The following ETV5 variants were observed in gnomAD, a reference collection of about 807,000 sequenced individuals.
ETV5 encodes the protein ETS translocation variant 5.
ETV5 carries 10 observed loss-of-function variants against 70.0 expected under a neutral mutation model. The ratio of observed to expected loss-of-function variants is 0.14; its 90% CI spans 0.09 to 0.24. ETV5 has a LOEUF of 0.24. Among genes scored for constraint, ETV5 ranks in the 10% least tolerant of loss-of-function variants. The probability of loss-of-function intolerance (pLI) is 1.00; values close to 1 mark genes in which losing one functional copy is unlikely to be tolerated. For missense variants in ETV5, 453 were observed against 651.2 expected, an observed-to-expected ratio of 0.70 and a Z score of 3.31; for synonymous variants, 216 against 242.2, an observed-to-expected ratio of 0.89 and a Z score of 1.01.
In ETV5 at chr3:186,047,647, A is replaced by G. The variant is rs1256398163; in HGVS notation, c.*992T>C. ...TGTTCCATCAGGTTGTCTGGTGCAG[A>G]AAGCACAAAGCAGGCAACAAGGCGG... is the stretch of plus-strand genomic sequence containing the variant. On this transcript the variant is annotated 3_prime_UTR_variant, in exon 13 of 13. Transcript: ENST00000306376. The G allele has an allele frequency of 4.3e-6, 1 of 233,222 alleles. No homozygotes were observed. Among genetic ancestry groups the G allele is most frequent in the Middle Eastern group, 1.2e-3 (1 of 802 alleles). 14.4% of individuals were successfully genotyped at this position (233,222 alleles called of 1,614,324 possible). A position where few individuals can be genotyped will look rare whatever the true frequency, so the allele number is the denominator to read the frequency against.
chr3:186,077,990 T>C lies in ETV5; in HGVS notation c.650+1827A>G, dbSNP rs565761653. The C allele has an allele frequency of 2.6e-5, 28 of 1,060,878 alleles. No homozygotes were observed. In the South Asian group the frequency reaches 8.2e-4, roughly 31 times the overall value. 65.7% of individuals were successfully genotyped at this position (1,060,878 alleles called of 1,614,324 possible). On this transcript the variant is annotated intron_variant, in intron 7 of 12. Coordinates refer to ENST00000306376, the MANE Select transcript of ETV5 (RefSeq NM_004454.3). ...AGGAGGAATCACCCAAGAAAAGAAATACCTGCATTCTGGTTCCCTCCTCTC... is the reference window on the plus strand; with the variant it reads ...AGGAGGAATCACCCAAGAAAAGAAACACCTGCATTCTGGTTCCCTCCTCTC...
intron 5 of ETV5, among the ~76,000 whole-genome samples, chr3:186,099,209 C>G (rs1271947447): frequency 1.3e-5 from 2 of 152,218 alleles, no homozygotes; most frequent in Admixed American, 1.3e-4. Context: ...CATACACACT[C>G]TAACTAGTGC....
At chr3:186,068,859 T>TA (rs1713519407) in intron 7 of ETV5, among the ~76,000 whole-genome samples, 7 of 152,202 alleles carry the variant, frequency 4.6e-5, no homozygotes, top group Admixed American at 4.6e-4. Flanking sequence ...TCTATGTGTA[T>TA]AAAGAAAAGC....
chr3:186,048,912 C>T lies in ETV5; in HGVS notation c.1312-52G>A. 5.4e-6 allele frequency: 8 copies of T among 1,479,616 alleles called. No homozygotes were observed. The South Asian group carries it at 9.3e-5, about 17-fold the overall frequency. 91.7% of individuals were successfully genotyped at this position (1,479,616 alleles called of 1,614,324 possible). A position where few individuals can be genotyped will look rare whatever the true frequency, so the allele number is the denominator to read the frequency against. Reference sequence around the variant, plus strand: ...GCCCAGTTGGAACAGGGCATGGGATCAGGGGAAGAGAACGAGGTATTCCTA... The same window carrying T: ...GCCCAGTTGGAACAGGGCATGGGATTAGGGGAAGAGAACGAGGTATTCCTA... On this transcript the variant is annotated intron_variant, in intron 12 of 12. Coordinates refer to ENST00000306376, the MANE Select transcript of ETV5 (RefSeq NM_004454.3).
At chr3:186,053,971 G>A (rs1713096258) in intron 11 of ETV5, among the ~76,000 whole-genome samples, 1 of 152,226 alleles carries the variant, frequency 6.6e-6, no homozygotes. Flanking sequence ...TTAAGGGGTG[G>A]AAAACAATCC....
chr3:186,094,041 C>T (rs1331116712), intron 5 of ETV5, among the ~76,000 whole-genome samples: 1 of 152,172 alleles, frequency 6.6e-6, no homozygotes, highest in Non-Finnish European at 1.5e-5. Context: ...GCAAGGCATG[C>T]CTTTGGTCAT....
chr3:186,049,298 C>G (rs914783192), intron 12 of ETV5, among the ~76,000 whole-genome samples: 1 of 152,160 alleles, frequency 6.6e-6, no homozygotes, highest in African/African-American at 2.4e-5. Flanking sequence ...CTGATGAGAG[C>G]GAGCCTGCGC....
chr3:186,098,958 G>T (rs566514109), intron 5 of ETV5, among the ~76,000 whole-genome samples: 3 of 152,278 alleles, frequency 2.0e-5, no homozygotes, highest in Admixed American at 2.0e-4. Flanking sequence ...CGGCTGTTCA[G>T]ATCAGCCTCA....
Position 186,079,917 on chromosome 3 carries a change from G to A in ETV5, c.550C>T (p.Pro184Ser), listed in dbSNP as rs375514175. The A allele has an allele frequency of 6.3e-7, 1 of 1,597,434 alleles. No homozygotes were observed. The highest frequency in any genetic ancestry group is 1.1e-5 in the South Asian group (1 of 88,410). ...PAPAPHSLPEPGPQQQTFAVP... is the reference protein window; with the variant it reads ...PAPAPHSLPESGPQQQTFAVP... Reference sequence around the variant, plus strand: ...GCAAATGTTTGCTGCTGTGGTCCAGGCTCTGGAAGCGAATGGGGGGCGGGG... The same window carrying A: ...GCAAATGTTTGCTGCTGTGGTCCAGACTCTGGAAGCGAATGGGGGGCGGGG... The change falls in exon 7 of 13, where the codon CCT becomes TCT. Residue 184 changes from proline to serine, a missense_variant. Physicochemically the swap from Pro to Ser is moderately conservative, Grantham distance 74 (BLOSUM62 -1). Coordinates refer to ENST00000306376, the MANE Select transcript of ETV5 (RefSeq NM_004454.3).
In ETV5 at chr3:186,067,627, A is replaced by AAACC. The variant is rs1367891745; in HGVS notation, c.651-1559_651-1556dup. Among the ~76,000 whole-genome samples the AAACC allele has an allele frequency of 6.2e-4, 95 of 152,088 alleles. 1 individual carries two copies. Among genetic ancestry groups the AAACC allele is most frequent in the Non-Finnish European group, 1.3e-3 (87 of 68,012 alleles). ...ACTGTCTCAAAAAAAAAAAAAAGTG[A>AAACC]AACCATCATATGAAAGTAAATATAT... On this transcript the variant is annotated intron_variant, in intron 7 of 12. Coordinates refer to ENST00000306376, the MANE Select transcript of ETV5 (RefSeq NM_004454.3).
chr3:186,093,491 G>A (rs903965926), intron 5 of ETV5, among the ~76,000 whole-genome samples: 15 of 152,264 alleles, frequency 9.9e-5, no homozygotes, highest in East Asian at 5.8e-4. Context: ...TCACATGGCC[G>A]CTTACAGCAA....
At chr3:186,071,482 G>A (rs371940043) in intron 7 of ETV5, among the ~76,000 whole-genome samples, 3 of 152,152 alleles carry the variant, frequency 2.0e-5, no homozygotes, top group East Asian at 1.9e-4. Context: ...TTATCTAACC[G>A]CTCTGAAGCC....
At position 186,105,398 on chromosome 3, in the gene ETV5, A is replaced by G; in HGVS notation, c.182-43T>C. ...ATTTTAGACCTTTAAGTTTTATTAA[A>G]AAGCACAGTAAAATGTTTTATATGG... On this transcript the variant is annotated intron_variant, in intron 4 of 12. Coordinates refer to ENST00000306376, the MANE Select transcript of ETV5 (RefSeq NM_004454.3). This position sits in a 1 kb window ranked among gnomAD's most constrained non-coding sequence, Gnocchi z 4.5. 1.2e-6 allele frequency: 2 copies of G among 1,611,954 alleles called. No individual in the cohort carries two copies. The highest frequency in any genetic ancestry group is 1.7e-6 in the Non-Finnish European group (2 of 1,179,058).
rs778499821 is a variant in ETV5, at chr3:186,079,678, G to A, written c.650+139C>T. The A allele has an allele frequency of 4.0e-5, 33 of 820,572 alleles. 1 individual carries two copies. The highest frequency in any genetic ancestry group is 6.1e-5 in the Non-Finnish European group (32 of 525,090). 50.8% of individuals were successfully genotyped at this position (820,572 alleles called of 1,614,324 possible). On this transcript the variant is annotated intron_variant, in intron 7 of 12. Coordinates refer to ENST00000306376, the MANE Select transcript of ETV5 (RefSeq NM_004454.3). ...AACAGTCATATTCGTATTATCATTAGTCTTGCCTCACAAGCTGCCTCAATG... is the reference window on the plus strand; with the variant it reads ...AACAGTCATATTCGTATTATCATTAATCTTGCCTCACAAGCTGCCTCAATG...
intron 12 of ETV5, among the ~76,000 whole-genome samples, chr3:186,051,742 G>C (rs1713037825): frequency 2.0e-5 from 3 of 152,146 alleles, no homozygotes. Context: ...TAAGTTTCTG[G>C]AAATTTCTAT....
rs1375913083 is a variant in ETV5, at chr3:186,054,048, G to GA, written c.1210-1918dup. Among the ~76,000 whole-genome samples, 2 of 152,210 alleles carry GA rather than the reference G, an allele frequency of 1.3e-5. No homozygotes were observed. Among genetic ancestry groups the GA allele is most frequent in the African/African-American group, 4.8e-5 (2 of 41,440 alleles). ...CTTGCATATGCAATTGCTTACTGGAGAAAGGTTTGGTATACGCACAGATTT... is the reference window on the plus strand; with the variant it reads ...CTTGCATATGCAATTGCTTACTGGAGAAAAGGTTTGGTATACGCACAGATTT... On this transcript the variant is annotated intron_variant, in intron 11 of 12. Transcript: ENST00000306376. The surrounding 1 kb of genome is among the most constrained non-coding windows in gnomAD (Gnocchi z 4.4).
chr3:186,066,694 A>C (rs935950329), intron 7 of ETV5, among the ~76,000 whole-genome samples: 3 of 152,206 alleles, frequency 2.0e-5, no homozygotes, highest in African/African-American at 4.8e-5. Flanking sequence ...ACTGAAAATT[A>C]ATCTATAAAA....
chr3:186,080,906 G>A lies in ETV5; in HGVS notation c.362+140C>T, dbSNP rs1393404137. On this transcript the variant is annotated intron_variant, in intron 6 of 12. Transcript: ENST00000306376. ...CCAAGGGGACTGGACTACACCCGGA[G>A]GATGACACTGCCATGAAAGAAGGAT... is the stretch of plus-strand genomic sequence containing the variant. 5.0e-6 allele frequency: 5 copies of A among 1,007,278 alleles called. No homozygotes were observed. In the East Asian group the frequency reaches 1.3e-4, roughly 26 times the overall value. 62.4% of individuals were successfully genotyped at this position (1,007,278 alleles called of 1,614,324 possible).
At chr3:186,065,466 T>G (rs1713418160) in intron 8 of ETV5, among the ~76,000 whole-genome samples, 1 of 152,180 alleles carries the variant, frequency 6.6e-6, no homozygotes, top group African/African-American at 2.4e-5. Context: ...AACTGGTGCC[T>G]GAATAGATCA....
Sources: allele counts gnomAD v4.1 joint callset (sites outside exome capture counted in the v4.1 genomes callset), GRCh38; gene constraint gnomAD v4.1.1; non-coding constraint Gnocchi (gnomAD v3.1); transcripts MANE v1.5; gene names NCBI Gene and HGNC (gene_info 2026-07-23, HGNC 2026-07-21).